Variants in SLC23A2 observed in about 807,000 individuals in gnomAD.
SLC23A2 encodes solute carrier family 23 member 2.
A neutral mutation model predicts 73.3 loss-of-function variants in SLC23A2; 36 were observed. The ratio of observed to expected loss-of-function variants is 0.49; its 90% CI spans 0.38 to 0.65. The LOEUF (loss-of-function observed/expected upper bound fraction) is 0.65, where lower values mean the gene tolerates loss of function less well. Ranked by LOEUF, SLC23A2 falls within the 30% of genes least tolerant of loss-of-function variation. The pLI, the probability that SLC23A2 is intolerant of heterozygous loss-of-function variation, is 0.00. For missense variants in SLC23A2, 507 were observed against 841.6 expected (o/e 0.60, Z 4.92); for synonymous variants, 343 against 327.3 (o/e 1.05, Z -0.52).
At position 4,854,182 on chromosome 20, in the gene SLC23A2, G is replaced by C. The variant is rs914777266; in HGVS notation, c.*2790C>G. 2.0e-5 allele frequency: 3 copies of C among 152,176 alleles called. No individual in the cohort carries two copies. Among genetic ancestry groups the C allele is most frequent in the Non-Finnish European group, 4.4e-5 (3 of 68,034 alleles). The allele number at this position is 152,176 out of a possible 1,614,324, so 9.4% of individuals were successfully genotyped here. A position where few individuals can be genotyped will look rare whatever the true frequency, so the allele number is the denominator to read the frequency against. On this transcript the variant is annotated 3_prime_UTR_variant, in exon 17 of 17. Transcript: ENST00000338244. ...ACTCTACAGGCAAAACAAAGTACGG[G>C]GTGGTGGTTCAAAGCCCCAGCAACG... is the stretch of plus-strand genomic sequence containing the variant.
intron 6 of SLC23A2, among the ~76,000 whole-genome samples, chr20:4,894,965 T>C (rs564901031): frequency 3.2e-4 from 48 of 152,288 alleles, no homozygotes; most frequent in African/African-American, 6.7e-4. Flanking sequence ...TTCTGCACAA[T>C]AGAGGGCCCA....
intron 1 of SLC23A2, among the ~76,000 whole-genome samples, chr20:4,986,101 A>G (rs1444330339): frequency 6.6e-6 from 1 of 152,164 alleles, no homozygotes; most frequent in East Asian, 1.9e-4. Flanking sequence ...TTAAAGGTCT[A>G]TATCAATTTA....
chr20:4,938,231 G>A (rs1363344348), intron 2 of SLC23A2, among the ~76,000 whole-genome samples: 1 of 151,628 alleles, frequency 6.6e-6, no homozygotes, highest in Non-Finnish European at 1.5e-5. Flanking sequence ...GTTGCCCAGG[G>A]TGGTCTTGAG....
rs74813481 is a variant in SLC23A2 at position 4,927,691 on chromosome 20, T to C, written c.108+4764A>G. On this transcript the variant is annotated intron_variant, in intron 3 of 16. Transcript: ENST00000338244. The stretch of plus-strand genomic sequence containing the variant: ...AGCCAACATATACCCAATCAGGTTC[T>C]TCTGTATAAAATCTTGATGAGAATC... Among the ~76,000 whole-genome samples the C allele has an allele frequency of 9.9e-3, 1,508 of 152,334 alleles. 16 individuals carry two copies. Among genetic ancestry groups the C allele is most frequent in the African/African-American group, 0.035 (1,437 of 41,552 alleles).
intron 1 of SLC23A2, among the ~76,000 whole-genome samples, chr20:4,984,158 C>T (rs1568655799): frequency 6.6e-6 from 1 of 152,076 alleles, no homozygotes; most frequent in East Asian, 1.9e-4. Context: ...AGTCCAGCTA[C>T]TCAGGAGCCT....
At chr20:4,877,553 T>C (rs1342911231) in intron 9 of SLC23A2, among the ~76,000 whole-genome samples, 3 of 152,186 alleles carry the variant, frequency 2.0e-5, no homozygotes, top group African/African-American at 7.2e-5. Context: ...ACAAAATTTT[T>C]TACTAGTTAA....
At chr20:5,002,285 C>G (rs188613764), upstream of SLC23A2, among the ~76,000 whole-genome samples, 315 of 152,306 alleles carry the variant, frequency 2.1e-3, 1 homozygote, top group African/African-American at 7.1e-3. Context: ...GGCTGGAGGT[C>G]TGGCGTGAGG....
At chr20:5,009,636 A>G (rs150193139) in intron 1 of SLC23A2, among the ~76,000 whole-genome samples, 3 of 152,254 alleles carry the variant, frequency 2.0e-5, no homozygotes, top group African/African-American at 7.2e-5. Context: ...TTAGTACTCA[A>G]TGACTTTACT....
At chr20:4,874,266 T>C (rs759083305) in intron 10 of SLC23A2, among the ~76,000 whole-genome samples, 174 bp from the exon 11 acceptor site, 24 of 152,216 alleles carry the variant, frequency 1.6e-4, no homozygotes, top group Non-Finnish European at 3.1e-4. Flanking sequence ...GGTGAACTTA[T>C]CTTACCCATT....
In SLC23A2 at chr20:4,883,627, G is replaced by A; in HGVS notation, c.824+15C>T. The A allele has an allele frequency of 6.3e-7, 1 of 1,594,168 alleles. No individual in the cohort carries two copies. Among genetic ancestry groups the A allele is most frequent in the African/African-American group, 1.3e-5 (1 of 74,486 alleles). On this transcript the variant is annotated intron_variant, in intron 9 of 16. Transcript: ENST00000338244. This position sits in a 1 kb window ranked among gnomAD's most constrained non-coding sequence, Gnocchi z 4.5. ...GCCCCGCAGTGGTGGGATGAGGGGA[G>A]ATGTTTCCACTTACAGCATGGCAAT...
At chr20:4,976,329 C>T (rs2087644078) in intron 1 of SLC23A2, among the ~76,000 whole-genome samples, 1 of 152,044 alleles carries the variant, frequency 6.6e-6, no homozygotes, top group East Asian at 1.9e-4. Context: ...TTAAGTCTCT[C>T]TTAAGTCATA....
At position 4,902,268 on chromosome 20, in the gene SLC23A2, T is replaced by C. The variant is rs1205322398; in HGVS notation, c.324+174A>G. 6.6e-6 allele frequency among the ~76,000 whole-genome samples: 1 copy of C among 152,246 alleles called. No homozygotes were observed. The highest frequency in any genetic ancestry group is 2.4e-5 in the African/African-American group (1 of 41,466). On this transcript the variant is annotated intron_variant, in intron 5 of 16. Transcript: ENST00000338244. The surrounding 1 kb of genome is among the most constrained non-coding windows in gnomAD (Gnocchi z 4.0). ...ATCTGCCCACCTCAGCCTCCAAAACTGCTAGGATTACAGGCATCAGCCACT... is the reference window on the plus strand; with the variant it reads ...ATCTGCCCACCTCAGCCTCCAAAACCGCTAGGATTACAGGCATCAGCCACT...
Position 4,879,266 on chromosome 20 carries a change from G to A in SLC23A2, c.824+4376C>T, listed in dbSNP as rs191675758. On this transcript the variant is annotated intron_variant, in intron 9 of 16. Coordinates refer to ENST00000338244, the MANE Select transcript of SLC23A2 (RefSeq NM_005116.6). ...TACTAAAAATACAAAAAAATTAGTCGGGAGTGGTGGCGGATGCCTGTAATC... is the reference window on the plus strand; with the variant it reads ...TACTAAAAATACAAAAAAATTAGTCAGGAGTGGTGGCGGATGCCTGTAATC... 4.6e-3 allele frequency among the ~76,000 whole-genome samples: 700 copies of A among 151,918 alleles called. 2 individuals carry two copies. The highest frequency in any genetic ancestry group is 7.2e-3 in the Non-Finnish European group (492 of 67,948).
At chr20:4,917,538 T>C (rs1221338810) in intron 3 of SLC23A2, among the ~76,000 whole-genome samples, 1 of 152,154 alleles carries the variant, frequency 6.6e-6, no homozygotes, top group Admixed American at 6.5e-5. Flanking sequence ...GTGGAATGTT[T>C]GTAAGCCAAT....
upstream of SLC23A2, among the ~76,000 whole-genome samples, chr20:5,002,127 C>A (rs1439842653): frequency 6.6e-6 from 1 of 152,108 alleles, no homozygotes; most frequent in South Asian, 2.1e-4. Flanking sequence ...TAAATTGTCC[C>A]CAGGTGATGC....
At chr20:4,859,561 G>A (rs1270253413) in intron 15 of SLC23A2, among the ~76,000 whole-genome samples, 177 bp from the exon 16 acceptor site, 3 of 152,212 alleles carry the variant, frequency 2.0e-5, no homozygotes, top group South Asian at 4.1e-4. Flanking sequence ...TTTAAACTAC[G>A]ATGAATACTT....
chr20:4,898,131 C>T (rs1162349466), intron 6 of SLC23A2, among the ~76,000 whole-genome samples: 2 of 152,208 alleles, frequency 1.3e-5, no homozygotes, highest in East Asian at 1.9e-4. Context: ...ATCTCCTTCC[C>T]CTAGTCGGTC....
At position 4,872,772 on chromosome 20, in the gene SLC23A2, TTTGAGACAGTCTTGCTC is replaced by T. The variant is rs763019209; in HGVS notation, c.1102+1147_1102+1163del. On this transcript the variant is annotated intron_variant, in intron 11 of 16. Transcript: ENST00000338244. The surrounding 1 kb of genome is among the most constrained non-coding windows in gnomAD (Gnocchi z 4.4). ...ATTTTAGAAAGATGAAACTTTTTTT[TTTGAGACAGTCTTGCTC>T]TGTCTCCCAGGCTGAAGTGCAGTGG... is the stretch of plus-strand genomic sequence containing the variant. Among the ~76,000 whole-genome samples the T allele has an allele frequency of 5.3e-5, 8 of 152,152 alleles. No individual in the cohort carries two copies. Among genetic ancestry groups the T allele is most frequent in the Non-Finnish European group, 8.8e-5 (6 of 68,020 alleles).
At chr20:4,935,536 C>T (rs1265561530) in intron 2 of SLC23A2, among the ~76,000 whole-genome samples, 4 of 152,072 alleles carry the variant, frequency 2.6e-5, no homozygotes, top group Non-Finnish European at 4.4e-5. Flanking sequence ...CAGTGGTTCA[C>T]GCCTGTAATC....
Sources: gnomAD v4.1 joint callset for allele counts (sites outside exome capture counted in the v4.1 genomes callset) on GRCh38, gnomAD v4.1.1 for gene constraint, Gnocchi (gnomAD v3.1) non-coding constraint, MANE v1.5 for transcripts, NCBI Gene and HGNC (gene_info 2026-07-23, HGNC 2026-07-21) for gene names.